The following FHOD3 variants were observed in gnomAD, a reference collection of about 807,000 sequenced individuals.
FHOD3 encodes formin homology 2 domain containing 3, also known as FH1/FH2 domain-containing protein 3.
FHOD3 carries 90 observed loss-of-function variants against 173.0 expected under a neutral mutation model. The ratio of observed to expected loss-of-function variants is 0.52; its 90% CI spans 0.44 to 0.62. The LOEUF is 0.62. FHOD3 is among the 20% of genes least tolerant of loss of function. The probability of loss-of-function intolerance (pLI) is 0.00; values close to 1 mark genes in which losing one functional copy is unlikely to be tolerated. For synonymous variants in FHOD3, 828 were observed against 823.0 expected (o/e 1.01, Z -0.10); for missense variants, 1,945 against 2,034.7 (o/e 0.96, Z 0.85).
chr18:36,616,659 A>G (rs547690237), intron 9 of FHOD3, among the ~76,000 whole-genome samples: 8 of 152,238 alleles, frequency 5.3e-5, no homozygotes, highest in Non-Finnish European at 1.0e-4. Context: ...GAACTAAAAC[A>G]TTACAACTCA....
chr18:36,430,692 G>T (rs1339267699), intron 3 of FHOD3, among the ~76,000 whole-genome samples: 1 of 152,204 alleles, frequency 6.6e-6, no homozygotes, highest in African/African-American at 2.4e-5. Context: ...ATATGGGTTA[G>T]CTAGGAGTGA....
At position 36,780,094 on chromosome 18, in the gene FHOD3, A is replaced by G. The variant is rs915640260; in HGVS notation, c.*564A>G. On this transcript the variant is annotated 3_prime_UTR_variant, in exon 29 of 29. Transcript: ENST00000590592. ...TTTATTCTTCTGGGAACAGGACCTT[A>G]AACAGTTCCACAGGCTCGCCTCTTC... The G allele has an allele frequency of 8.2e-7, 1 of 1,212,200 alleles. No individual in the cohort carries two copies. Among genetic ancestry groups the G allele is most frequent in the African/African-American group, 1.6e-5 (1 of 64,052 alleles). 75.1% of individuals were successfully genotyped at this position (1,212,200 alleles called of 1,614,324 possible). A position where few individuals can be genotyped will look rare whatever the true frequency, so the allele number is the denominator to read the frequency against.
intron 4 of FHOD3, among the ~76,000 whole-genome samples, chr18:36,504,591 G>T (rs1373488145): frequency 6.7e-6 from 1 of 150,184 alleles, no homozygotes; most frequent in Non-Finnish European, 1.5e-5. Context: ...GGGGACTGTT[G>T]TGGGGTGGGG....
At position 36,367,416 on chromosome 18, in the gene FHOD3, A is replaced by G. The variant is rs377364032; in HGVS notation, c.273-5264A>G. On this transcript the variant is annotated intron_variant, in intron 2 of 28. Transcript: ENST00000590592. The stretch of plus-strand genomic sequence containing the variant: ...CCTGGCAGTGGCTGTGCTGATAGGA[A>G]AGGAATCCGAGTCTCCCTGGGGAGA... Among the ~76,000 whole-genome samples the G allele has an allele frequency of 2.0e-5, 3 of 152,116 alleles. No homozygotes were observed. In the South Asian group the frequency reaches 6.2e-4, roughly 32 times the overall value.
chr18:36,314,953 T>C (rs2044047107), intron 1 of FHOD3, among the ~76,000 whole-genome samples: 1 of 152,230 alleles, frequency 6.6e-6, no homozygotes, highest in South Asian at 2.1e-4. Flanking sequence ...GCAATCATGC[T>C]TGACGTCCGA....
chr18:36,543,762 A>T (rs2057313349), intron 5 of FHOD3, among the ~76,000 whole-genome samples: 1 of 152,124 alleles, frequency 6.6e-6, no homozygotes, highest in Non-Finnish European at 1.5e-5. Flanking sequence ...TGTTCTCTTT[A>T]CTCTTCAAAT....
intron 15 of FHOD3, among the ~76,000 whole-genome samples, chr18:36,686,887 C>T (rs1189310363): frequency 6.6e-6 from 1 of 152,146 alleles, no homozygotes; most frequent in Non-Finnish European, 1.5e-5. Context: ...AGTAGTGTTT[C>T]TGGGTGAATC....
At chr18:36,487,434 G>A (rs985021286) in intron 3 of FHOD3, among the ~76,000 whole-genome samples, 1 of 152,170 alleles carries the variant, frequency 6.6e-6, no homozygotes, top group Non-Finnish European at 1.5e-5. Flanking sequence ...ACCCTGCTGG[G>A]CCCCTGAGCC....
chr18:36,637,167 T>C (rs571978915), intron 10 of FHOD3, among the ~76,000 whole-genome samples: 3 of 152,354 alleles, frequency 2.0e-5, no homozygotes, highest in South Asian at 4.1e-4. Flanking sequence ...AAAGACTTCT[T>C]AGTCAATAGT....
rs71168234 is a variant in FHOD3, at chr18:36,568,326, C to CAAAAA, written c.512-8088_512-8084dup. Among the ~76,000 whole-genome samples the CAAAAA allele has an allele frequency of 1.2e-4, 3 of 24,064 alleles. 1 individual carries two copies. The highest frequency in any genetic ancestry group is 2.3e-4 in the Non-Finnish European group (3 of 13,124). The allele number at this position is 24,064 out of a possible 152,430, so 15.8% of individuals were successfully genotyped here. ...CTGGGCGACAGAGCAGACTCTGTCTCAAAAAAAAAAAAAAAAAAAAAAAAA... is the reference window on the plus strand; with the variant it reads ...CTGGGCGACAGAGCAGACTCTGTCTCAAAAAAAAAAAAAAAAAAAAAAAAAAAAAA... On this transcript the variant is annotated intron_variant, in intron 5 of 28. Coordinates refer to ENST00000590592, the MANE Select transcript of FHOD3 (RefSeq NM_001281740.3).
At chr18:36,715,968 C>G (rs56373654) in intron 18 of FHOD3, among the ~76,000 whole-genome samples, 2 of 152,022 alleles carry the variant, frequency 1.3e-5, no homozygotes, top group Admixed American at 1.3e-4. Context: ...CTGTAGCTAA[C>G]GAGGTTTATG....
At chr18:36,697,240 G>T (rs1337402135) in intron 17 of FHOD3, among the ~76,000 whole-genome samples, 1 of 152,184 alleles carries the variant, frequency 6.6e-6, no homozygotes, top group African/African-American at 2.4e-5. Context: ...ACCATATGTT[G>T]ATGGTGGTCC....
chr18:36,317,282 C>T (rs1019706993), intron 1 of FHOD3, among the ~76,000 whole-genome samples: 2 of 152,134 alleles, frequency 1.3e-5, no homozygotes, highest in African/African-American at 4.8e-5. Flanking sequence ...GGTTCTAGAT[C>T]CTTGAGGAAT....
At chr18:36,458,554 T>A (rs1857559289) in intron 3 of FHOD3, among the ~76,000 whole-genome samples, 2 of 151,988 alleles carry the variant, frequency 1.3e-5, no homozygotes, top group Admixed American at 6.6e-5. Context: ...AGCTGGGGCC[T>A]CTTCTCTGCC....
At chr18:36,370,249 G>A (rs1161050649) in intron 2 of FHOD3, among the ~76,000 whole-genome samples, 1 of 152,052 alleles carries the variant, frequency 6.6e-6, no homozygotes, top group Non-Finnish European at 1.5e-5. Flanking sequence ...AGGATTTTGT[G>A]TACAGCAGAA....
chr18:36,422,329 CA>C (rs2050029110), intron 3 of FHOD3, among the ~76,000 whole-genome samples: 1 of 152,138 alleles, frequency 6.6e-6, no homozygotes, highest in Non-Finnish European at 1.5e-5. Context: ...TATTTCTTAA[CA>C]GCTGAATAAT....
chr18:36,638,172 G>A (rs1381583957), intron 10 of FHOD3, among the ~76,000 whole-genome samples: 3 of 152,152 alleles, frequency 2.0e-5, no homozygotes, highest in African/African-American at 7.2e-5. Context: ...AAAGAGAAAA[G>A]TGTGATGGGG....
intron 28 of FHOD3, 67 bp from the exon 29 acceptor site, chr18:36,779,381 T>A: frequency 6.8e-7 from 1 of 1,472,684 alleles, no homozygotes. Context: ...TTGACTGCCC[T>A]GTGCCTTGCT....
intron 3 of FHOD3, among the ~76,000 whole-genome samples, chr18:36,448,108 AT>A (rs2051603728): frequency 6.6e-6 from 1 of 152,244 alleles, no homozygotes. Flanking sequence ...GTGGTATTAG[AT>A]GGTGCCATGA....
Sources: gnomAD v4.1 joint callset for allele counts (sites outside exome capture counted in the v4.1 genomes callset) on GRCh38, gnomAD v4.1.1 for gene constraint, MANE v1.5 for transcripts, NCBI Gene and HGNC (gene_info 2026-07-23, HGNC 2026-07-21) for gene names.